The following VAV2 variants were observed in gnomAD, a reference collection of about 807,000 sequenced individuals.
The protein encoded by VAV2 is vav guanine nucleotide exchange factor 2, also known as guanine nucleotide exchange factor VAV2.
In VAV2, 67 loss-of-function variants were observed where a neutral mutation model predicts 132.5. That is an observed-to-expected ratio of 0.51 (90% CI 0.42 to 0.62). VAV2 has a LOEUF of 0.62. VAV2 is among the 20% of genes least tolerant of loss of function. The pLI, the probability that VAV2 is intolerant of heterozygous loss-of-function variation, is 0.00. For synonymous variants in VAV2, 492 were observed against 443.5 expected (o/e 1.11, Z -1.37); for missense variants, 938 against 1,153.6 (o/e 0.81, Z 2.71).
chr9:133,868,916 C>T (rs1056836262), intron 2 of VAV2, among the ~76,000 whole-genome samples: 1 of 152,040 alleles, frequency 6.6e-6, no homozygotes, highest in African/African-American at 2.4e-5. Context: ...TGGCTCATGC[C>T]TGTAATCCCA....
intron 1 of VAV2, among the ~76,000 whole-genome samples, chr9:133,977,420 G>A (rs543478896): frequency 7.2e-5 from 11 of 152,168 alleles, no homozygotes; most frequent in African/African-American, 1.9e-4. Flanking sequence ...AGGATGCGGC[G>A]CTCATGAGCA....
chr9:133,904,389 G>A (rs979152413), intron 2 of VAV2, among the ~76,000 whole-genome samples: 3 of 152,172 alleles, frequency 2.0e-5, no homozygotes, highest in Non-Finnish European at 2.9e-5. Context: ...GACCATCAAC[G>A]CCTCACTTTC....
At chr9:133,865,336 G>T (rs966198541) in intron 2 of VAV2, among the ~76,000 whole-genome samples, 2 of 152,104 alleles carry the variant, frequency 1.3e-5, no homozygotes, top group African/African-American at 4.8e-5. Flanking sequence ...CCTCATCCCA[G>T]TCTCCACTGC....
chr9:133,782,528 G>A (rs1013816145), intron 19 of VAV2, among the ~76,000 whole-genome samples: 44 of 152,210 alleles, frequency 2.9e-4, no homozygotes, highest in African/African-American at 9.4e-4. Context: ...TACTGGGCTG[G>A]CACTCACAGT....
chr9:133,963,239 A>T (rs1260037007), intron 1 of VAV2, among the ~76,000 whole-genome samples: 3 of 152,178 alleles, frequency 2.0e-5, no homozygotes, highest in Non-Finnish European at 4.4e-5. Flanking sequence ...GTATCAATTA[A>T]TGATCAGTCA....
At chr9:133,922,535 C>T (rs1452716128) in intron 2 of VAV2, among the ~76,000 whole-genome samples, 2 of 152,204 alleles carry the variant, frequency 1.3e-5, no homozygotes, top group Non-Finnish European at 2.9e-5. Flanking sequence ...ATGAACCAAA[C>T]ACTTGTCCTC....
chr9:133,817,243 A>C (rs527297796), intron 4 of VAV2, among the ~76,000 whole-genome samples: 36 of 148,362 alleles, frequency 2.4e-4, no homozygotes, highest in African/African-American at 9.1e-4. Flanking sequence ...TGCTTCCTTC[A>C]TTCTTCCTCT....
rs1836391644 is a variant in VAV2 at position 133,834,604 on chromosome 9, G to A, written c.381-264C>T. Among the ~76,000 whole-genome samples the A allele has an allele frequency of 6.6e-6, 1 of 152,252 alleles. No homozygotes were observed. Among genetic ancestry groups the A allele is most frequent in the African/African-American group, 2.4e-5 (1 of 41,476 alleles). ...GCCCACTCCGGGCTCCGGGTGTCCA[G>A]TGGGAAGACGAGAGGCCCAGGTCAG... On this transcript the variant is annotated intron_variant, in intron 3 of 29. Coordinates refer to ENST00000371850, the MANE Select transcript of VAV2 (RefSeq NM_001134398.2). This position sits in a 1 kb window ranked among gnomAD's most constrained non-coding sequence, Gnocchi z 5.9.
rs375300324 is a variant in VAV2 at position 133,809,025 on chromosome 9, G to A, written c.666+15C>T. On this transcript the variant is annotated intron_variant, in intron 7 of 29. Transcript: ENST00000371850. ...TGGCCGCTGCCATTTTCCAGTGGCC[G>A]CCATCTGCCCTCACCTTCTCAATGT... is the stretch of plus-strand genomic sequence containing the variant. The A allele has an allele frequency of 2.2e-5, 35 of 1,608,990 alleles. No homozygotes were observed. Among genetic ancestry groups the A allele is most frequent in the Middle Eastern group, 1.7e-4 (1 of 6,044 alleles).
chr9:133,878,643 G>C (rs1838363252), intron 2 of VAV2, among the ~76,000 whole-genome samples: 1 of 152,184 alleles, frequency 6.6e-6, no homozygotes, highest in African/African-American at 2.4e-5. Context: ...TAACCTTTGA[G>C]AGGCCATCCC....
At chr9:133,907,622 G>A (rs1444691307) in intron 2 of VAV2, among the ~76,000 whole-genome samples, 1 of 152,236 alleles carries the variant, frequency 6.6e-6, no homozygotes, top group African/African-American at 2.4e-5. Flanking sequence ...AATCAAAACT[G>A]ATTTATGGAC....
At chr9:133,869,553 T>C (rs1837944798) in intron 2 of VAV2, among the ~76,000 whole-genome samples, 1 of 152,118 alleles carries the variant, frequency 6.6e-6, no homozygotes, top group Non-Finnish European at 1.5e-5. Flanking sequence ...GAAGCTGCAG[T>C]GAGCTAGAAT....
At chr9:133,861,177 C>T (rs1011613380) in intron 3 of VAV2, 197 bp downstream of exon 3, 11 of 510,146 alleles carry the variant, frequency 2.2e-5, no homozygotes, top group East Asian at 9.8e-5. Flanking sequence ...AAGATTTCCC[C>T]GGTGTGAGCT....
chr9:133,949,900 G>A (rs977284570), intron 1 of VAV2, among the ~76,000 whole-genome samples: 4 of 152,198 alleles, frequency 2.6e-5, no homozygotes, highest in African/African-American at 7.2e-5. Context: ...GGGGTTTCAC[G>A]CTCAGCTTTT....
At position 133,768,452 on chromosome 9, in the gene VAV2, G is replaced by A. The variant is rs1057144078; in HGVS notation, c.2579C>T (p.Thr860Ile). ...GGDQGWWKGETNGRIGWFPST... is the reference protein window; with the variant it reads ...GGDQGWWKGEINGRIGWFPST... The stretch of plus-strand genomic sequence containing the variant: ...GGTGGGGCCACTCACCCGTCCGTTG[G>A]TCTCGCCCTTCCACCAGCCCTGGTC... The change falls in exon 29 of 30, where the codon ACC becomes ATC. Residue 860 changes from threonine (T) to isoleucine (I), a missense_variant. Coordinates refer to ENST00000371850, the MANE Select transcript of VAV2 (RefSeq NM_001134398.2). This position sits in a 1 kb window ranked among gnomAD's most constrained non-coding sequence, Gnocchi z 5.3. 8.1e-6 allele frequency: 13 copies of A among 1,613,294 alleles called. No homozygotes were observed. The highest frequency in any genetic ancestry group is 1.1e-5 in the Non-Finnish European group (13 of 1,179,946).
chr9:133,963,665 C>T (rs933908401), intron 1 of VAV2, among the ~76,000 whole-genome samples: 1 of 152,134 alleles, frequency 6.6e-6, no homozygotes, highest in Non-Finnish European at 1.5e-5. Flanking sequence ...TAAAACGCCA[C>T]GTTGTATCAC....
At chr9:133,904,596 G>C (rs548371420) in intron 2 of VAV2, among the ~76,000 whole-genome samples, 1 of 152,370 alleles carries the variant, frequency 6.6e-6, no homozygotes, top group African/African-American at 2.4e-5. Context: ...CAGGCATGCA[G>C]GCATGCAGCA....
chr9:133,800,476 G>A (rs921797846), intron 9 of VAV2, among the ~76,000 whole-genome samples: 3 of 152,164 alleles, frequency 2.0e-5, no homozygotes, highest in African/African-American at 7.2e-5. Flanking sequence ...CTGGGGCCAC[G>A]CTCGGGCCCG....
chr9:133,880,337 AG>A (rs1320734421), intron 2 of VAV2, among the ~76,000 whole-genome samples: 1 of 152,226 alleles, frequency 6.6e-6, no homozygotes, highest in Non-Finnish European at 1.5e-5. Context: ...GCAGGTGGTG[AG>A]GGACCTGTCA....
Sources: gnomAD v4.1 joint callset for allele counts (sites outside exome capture counted in the v4.1 genomes callset) on GRCh38, gnomAD v4.1.1 for gene constraint, Gnocchi (gnomAD v3.1) non-coding constraint, MANE v1.5 for transcripts, NCBI Gene and HGNC (gene_info 2026-07-23, HGNC 2026-07-21) for gene names.